The following ATP23 variants were observed in gnomAD, a reference collection of about 807,000 sequenced individuals.
ATP23 encodes the protein mitochondrial inner membrane protease ATP23 homolog.
A neutral mutation model predicts 28.5 loss-of-function variants in ATP23; 24 were observed. The observed-to-expected ratio is 0.84, with a 90% CI of 0.61 to 1.18. The LOEUF (loss-of-function observed/expected upper bound fraction) is 1.18. Ranked by LOEUF, ATP23 falls within the 50% of genes most tolerant of loss-of-function variation. ATP23 has a pLI of 0.00. For missense variants in ATP23, 274 were observed against 306.4 expected, an observed-to-expected ratio of 0.89 and a Z score of 0.79; for synonymous variants, 99 against 108.6, an observed-to-expected ratio of 0.91 and a Z score of 0.55.
At chr12:57,951,697 A>G in intron 3 of ATP23, 61 bp from the exon 4 acceptor site, 2 of 1,589,092 alleles carry the variant, frequency 1.3e-6, no homozygotes, top group East Asian at 2.2e-5. Flanking sequence ...GGGAGAGAAG[A>G]TCGAGTCTAT....
chr12:57,956,993 C>G lies in ATP23; in HGVS notation c.*103C>G. On this transcript the variant is annotated 3_prime_UTR_variant, in exon 6 of 6. Transcript: ENST00000300145. ...ATAAAATGTAAACAATCCCTACAAT[C>G]CAGATAAAACAGAGAAGACTGTGAT... 4.4e-6 allele frequency: 4 copies of G among 917,114 alleles called. No individual in the cohort carries two copies. Among genetic ancestry groups the G allele is most frequent in the South Asian group, 2.4e-5 (1 of 41,386 alleles). The allele number at this position is 917,114 out of a possible 1,614,324, so 56.8% of individuals were successfully genotyped here.
In ATP23 at chr12:57,941,575, C is replaced by A; in HGVS notation, c.-127C>A. 7.6e-7 allele frequency: 1 copy of A among 1,307,200 alleles called. No individual in the cohort carries two copies. The highest frequency in any genetic ancestry group is 1.0e-6 in the Non-Finnish European group (1 of 984,088). 81.0% of individuals were successfully genotyped at this position (1,307,200 alleles called of 1,614,324 possible). A position where few individuals can be genotyped will look rare whatever the true frequency, so the allele number is the denominator to read the frequency against. On this transcript the variant is annotated 5_prime_UTR_variant, in exon 1 of 6. Coordinates refer to ENST00000300145, the MANE Select transcript of ATP23 (RefSeq NM_033276.4). ...TCCCGCCTAACGTCTTCAGCCCAGC[C>A]AGGCTGCCCTTCTTCCCTGCGGAGG... is the stretch of plus-strand genomic sequence containing the variant.
Position 57,953,683 on chromosome 12 carries a change from C to A in ATP23, c.531C>A (p.His177Gln), listed in dbSNP as rs1193671778. 11 of 1,613,264 alleles carry A rather than the reference C, an allele frequency of 6.8e-6. No individual in the cohort carries two copies. The Admixed American group carries it at 1.8e-4, about 27-fold the overall frequency. The change falls in exon 5 of 6, where the codon CAC becomes CAA. Residue 177 changes from histidine to glutamine, a missense_variant. Coordinates refer to ENST00000300145, the MANE Select transcript of ATP23 (RefSeq NM_033276.4). The part of the protein sequence containing the change: ...IFRLHFGLKQ[H>Q]HQTCVRDRAT... ...GGTTACATTTTGGATTAAAACAACA[C>A]CACCAGGTAAAAACTAATATGAAAT...
At position 57,952,891 on chromosome 12, in the gene ATP23, G is replaced by A. The variant is rs1017797293; in HGVS notation, c.454-715G>A. Reference sequence around the variant, plus strand: ...GAATTAGCAAAAATGTGGTCAAGCTGCCTGTAGAATCTATGTGGGTAGTTC... The same window carrying A: ...GAATTAGCAAAAATGTGGTCAAGCTACCTGTAGAATCTATGTGGGTAGTTC... On this transcript the variant is annotated intron_variant, in intron 4 of 5. Transcript: ENST00000300145. Among the ~76,000 whole-genome samples the A allele has an allele frequency of 5.3e-5, 8 of 152,222 alleles. No individual in the cohort carries two copies. The East Asian group carries it at 1.3e-3, about 26-fold the overall frequency.
At chr12:57,942,970 C>T (rs908549274) in intron 1 of ATP23, among the ~76,000 whole-genome samples, 4 of 152,204 alleles carry the variant, frequency 2.6e-5, no homozygotes, top group East Asian at 1.9e-4. Context: ...ACATACTTGT[C>T]CCAAAGCAAG....
chr12:57,943,704 A>G (rs1956730940), intron 1 of ATP23, among the ~76,000 whole-genome samples: 2 of 152,048 alleles, frequency 1.3e-5, no homozygotes, highest in African/African-American at 4.8e-5. Flanking sequence ...TACTGATTTT[A>G]TGAATGTAAA....
intron 1 of ATP23, among the ~76,000 whole-genome samples, chr12:57,945,284 G>T (rs1956748935): frequency 6.6e-6 from 1 of 152,116 alleles, no homozygotes; most frequent in Non-Finnish European, 1.5e-5. Context: ...CCAGGCTGGA[G>T]TGCAGTGGTG....
chr12:57,950,395 CT>C (rs1956803332), intron 3 of ATP23, among the ~76,000 whole-genome samples: 1 of 152,164 alleles, frequency 6.6e-6, no homozygotes, highest in African/African-American at 2.4e-5. Flanking sequence ...GTTTTTCTCT[CT>C]GCCTAGAATA....
rs1956817765 is a variant in ATP23 at position 57,951,801 on chromosome 12, A to G, written c.359A>G (p.Asn120Ser). 6.2e-7 allele frequency: 1 copy of G among 1,614,186 alleles called. No individual in the cohort carries two copies. The highest frequency in any genetic ancestry group is 8.5e-7 in the Non-Finnish European group (1 of 1,180,034). ...QNNIHNQAHM[N>S]RVVTHELIHA... ...AATATCCATAATCAGGCCCATATGA[A>G]CAGAGTGGTCACACACGAGCTTATT... is the stretch of plus-strand genomic sequence containing the variant. The change falls in exon 4 of 6, where the codon AAC (asparagine) becomes AGC (serine). Residue 120 changes from asparagine (N) to serine (S), a missense_variant. By Grantham distance (46) the Asn-to-Ser change is conservative. Coordinates refer to ENST00000300145, the MANE Select transcript of ATP23 (RefSeq NM_033276.4).
In ATP23 at chr12:57,947,025, C is replaced by T. The variant is rs201097826; in HGVS notation, c.264C>T (p.Cys88=). The change falls in exon 3 of 6, where the codon TGC becomes TGT. Residue 88 remains cysteine, a synonymous_variant. Coordinates refer to ENST00000300145, the MANE Select transcript of ATP23 (RefSeq NM_033276.4). ...TTAACAAAGATAGACACTTTTCTTG[C>T]GAAGACTGTAATGGAAATGTCAGTG... ...CAVNKDRHFS[C]EDCNGNVSGG... 85 of 1,613,912 alleles carry T rather than the reference C, an allele frequency of 5.3e-5. No homozygotes were observed. In the African/African-American group the frequency reaches 7.5e-4, roughly 14 times the overall value.
chr12:57,954,671 G>C lies in ATP23; in HGVS notation c.537+982G>C, dbSNP rs150250660. ...GCCTGTGTCCACATTTAGGAGAAAG[G>C]CTGGTCAGTCATTTTCTACAGTAAG... On this transcript the variant is annotated intron_variant, in intron 5 of 5. Transcript: ENST00000300145. 4.5e-3 allele frequency among the ~76,000 whole-genome samples: 687 copies of C among 152,296 alleles called. 41 individuals are homozygous for C. In the South Asian group the frequency reaches 0.12, roughly 27 times the overall value.
chr12:57,953,815 T>TTAA, intron 5 of ATP23, 126 bp downstream of exon 5: 1 of 827,036 alleles, frequency 1.2e-6, no homozygotes. Context: ...GAATACAAAG[T>TTAA]ATGTACCATT....
Position 57,956,935 on chromosome 12 carries a change from A to G in ATP23, c.*45A>G. The G allele has an allele frequency of 1.3e-6, 2 of 1,507,368 alleles. No homozygotes were observed. The highest frequency in any genetic ancestry group is 1.8e-6 in the Non-Finnish European group (2 of 1,127,980). The allele number at this position is 1,507,368 out of a possible 1,614,324, so 93.4% of individuals were successfully genotyped here. ...TTACAGAGCTTCCATCATCATGAAG[A>G]AAAAAAAATTTGGTTCTCAAGTGAA... is the stretch of plus-strand genomic sequence containing the variant. On this transcript the variant is annotated 3_prime_UTR_variant, in exon 6 of 6. Coordinates refer to ENST00000300145, the MANE Select transcript of ATP23 (RefSeq NM_033276.4).
At chr12:57,954,634 A>G (rs1592280653) in intron 5 of ATP23, among the ~76,000 whole-genome samples, 1 of 152,350 alleles carries the variant, frequency 6.6e-6, no homozygotes, top group East Asian at 1.9e-4. Flanking sequence ...GAATGTGAGC[A>G]GTTCTGCCTG....
rs1174226365 is a variant in ATP23 at position 57,951,715 on chromosome 12, G to C, written c.316-43G>C. ...AGAGAAGATCGAGTCTATGGAAGGA[G>C]ATTTTAGAATCACTGAACTTCTTTT... is the stretch of plus-strand genomic sequence containing the variant. On this transcript the variant is annotated intron_variant, in intron 3 of 5. Transcript: ENST00000300145. The C allele has an allele frequency of 2.5e-6, 4 of 1,606,454 alleles. No homozygotes were observed. The African/African-American group carries it at 5.4e-5, about 21-fold the overall frequency.
At chr12:57,953,448 G>A (rs1956833859) in intron 4 of ATP23, among the ~76,000 whole-genome samples, 158 bp from the exon 5 acceptor site, 1 of 152,186 alleles carries the variant, frequency 6.6e-6, no homozygotes, top group African/African-American at 2.4e-5. Flanking sequence ...TGTCAATAGA[G>A]TTTAAAAAGT....
chr12:57,946,475 C>T (rs1261068001), intron 2 of ATP23, among the ~76,000 whole-genome samples: 2 of 87,426 alleles, frequency 2.3e-5, no homozygotes, highest in African/African-American at 4.8e-5. Flanking sequence ...TTTTTTGAGA[C>T]GTAGTTTTGC....
intron 3 of ATP23, 45 bp from the exon 4 acceptor site, chr12:57,951,713 G>A: frequency 6.2e-7 from 1 of 1,605,392 alleles, no homozygotes; most frequent in South Asian, 1.1e-5. Flanking sequence ...TCTATGGAAG[G>A]AGATTTTAGA....
intron 3 of ATP23, among the ~76,000 whole-genome samples, chr12:57,948,584 A>AT (rs975684324): frequency 6.6e-6 from 1 of 152,108 alleles, no homozygotes; most frequent in Non-Finnish European, 1.5e-5. Context: ...TGCCTGGCCT[A>AT]TTTTTTTAAA....
Sources: allele counts gnomAD v4.1 joint callset (sites outside exome capture counted in the v4.1 genomes callset), GRCh38; gene constraint gnomAD v4.1.1; transcripts MANE v1.5; gene names NCBI Gene and HGNC (gene_info 2026-07-23, HGNC 2026-07-21).